Variants in RNF170 observed in about 807,000 individuals in gnomAD.
The protein encoded by RNF170 is E3 ubiquitin-protein ligase RNF170.
Under a neutral mutation model 32.7 loss-of-function variants are expected in RNF170, and 12 were observed. The ratio of observed to expected loss-of-function variants is 0.37; its 90% CI spans 0.24 to 0.60. RNF170 has a LOEUF of 0.60. RNF170 is among the 20% of genes least tolerant of loss of function. The pLI is 0.72. For synonymous variants in RNF170, 91 were observed against 103.6 expected, an observed-to-expected ratio of 0.88 and a Z score of 0.74; for missense variants, 212 against 311.2, an observed-to-expected ratio of 0.68 and a Z score of 2.40.
intron 2 of RNF170, among the ~76,000 whole-genome samples, chr8:42,876,172 A>G (rs1018794915): frequency 2.0e-5 from 3 of 151,522 alleles, no homozygotes; most frequent in Non-Finnish European, 4.4e-5. Flanking sequence ...TTCTTTCTAT[A>G]AGAAAGAAGA....
intron 1 of RNF170, chr8:42,896,255 T>C (rs1297150283): frequency 5.8e-6 from 2 of 342,994 alleles, no homozygotes; most frequent in South Asian, 4.3e-5. Context: ...CAAACCCACC[T>C]AGAGCCGCTC....
At chr8:42,880,438 A>G (rs1431396279) in intron 2 of RNF170, among the ~76,000 whole-genome samples, 2 of 152,220 alleles carry the variant, frequency 1.3e-5, no homozygotes, top group African/African-American at 2.4e-5. Flanking sequence ...TGTGAAAGGA[A>G]AAGTCAGTCA....
chr8:42,851,297 C>T (rs1249366921), downstream of RNF170, among the ~76,000 whole-genome samples: 1 of 152,074 alleles, frequency 6.6e-6, no homozygotes, highest in African/African-American at 2.4e-5. Flanking sequence ...TGCAGTGGCT[C>T]ACACCTGTAA....
chr8:42,895,206 T>C (rs1806682697), intron 1 of RNF170, among the ~76,000 whole-genome samples: 1 of 151,998 alleles, frequency 6.6e-6, no homozygotes. Flanking sequence ...TTCCAGCTAC[T>C]TGGGAGGCTG....
chr8:42,868,139 A>T (rs1419465865), intron 4 of RNF170, among the ~76,000 whole-genome samples: 1 of 152,242 alleles, frequency 6.6e-6, no homozygotes, highest in Non-Finnish European at 1.5e-5. Flanking sequence ...TACTTAAGTG[A>T]AAACCTTAAA....
intron 5 of RNF170, among the ~76,000 whole-genome samples, chr8:42,864,043 T>C (rs1480638751): frequency 6.8e-6 from 1 of 147,798 alleles, no homozygotes; most frequent in Non-Finnish European, 1.5e-5. Flanking sequence ...AGTGGAGGAA[T>C]ACTTTTTTTT....
At chr8:42,882,177 G>A (rs956730235) in intron 2 of RNF170, among the ~76,000 whole-genome samples, 8 of 152,156 alleles carry the variant, frequency 5.3e-5, no homozygotes, top group African/African-American at 1.9e-4. Flanking sequence ...GCTGCTGTGG[G>A]AAACAGTCTG....
intron 2 of RNF170, among the ~76,000 whole-genome samples, chr8:42,887,326 T>C (rs916440755): frequency 6.6e-6 from 1 of 152,064 alleles, no homozygotes; most frequent in South Asian, 2.1e-4. Flanking sequence ...AGTAAAAAAA[T>C]TAATTCTAAT....
rs1289038757 is a variant in RNF170 at position 42,890,226 on chromosome 8, A to G, written c.-7-2355T>C. ...GTACAACATATATATAATATATATTATATATAAATATTTGACTACTATGTG... is the reference window on the plus strand; with the variant it reads ...GTACAACATATATATAATATATATTGTATATAAATATTTGACTACTATGTG... On this transcript the variant is annotated intron_variant, in intron 1 of 6. Coordinates refer to ENST00000527424, the MANE Select transcript of RNF170 (RefSeq NM_030954.4). Among the ~76,000 whole-genome samples, 3 of 149,608 alleles carry G rather than the reference A, an allele frequency of 2.0e-5. No individual in the cohort carries two copies. The East Asian group carries it at 5.8e-4, about 29-fold the overall frequency.
intron 1 of RNF170, chr8:42,889,275 A>G (rs1184361542): frequency 1.3e-5 from 2 of 152,130 alleles, no homozygotes; most frequent in African/African-American, 4.8e-5. Flanking sequence ...TCCTTCCTAC[A>G]CTCTAAACTA....
rs570262385 is a variant in RNF170 at position 42,870,595 on chromosome 8, T to C, written c.214-483A>G. Among the ~76,000 whole-genome samples, 28 of 152,060 alleles carry C rather than the reference T, an allele frequency of 1.8e-4. No homozygotes were observed. In the South Asian group the frequency reaches 4.2e-3, roughly 23 times the overall value. On this transcript the variant is annotated intron_variant, in intron 3 of 6. Coordinates refer to ENST00000527424, the MANE Select transcript of RNF170 (RefSeq NM_030954.4). ...TAGAAAAATTAGCCAGGAGTGGTGG[T>C]GGCATGCGCCTGTAGTCCCAGCTAC...
intron 1 of RNF170, among the ~76,000 whole-genome samples, chr8:42,888,210 C>T (rs914976945): frequency 1.6e-4 from 24 of 151,742 alleles, no homozygotes; most frequent in Non-Finnish European, 2.4e-4. Flanking sequence ...GGACTACAGG[C>T]GCGCACCACT....
At chr8:42,885,611 T>C (rs1238918301) in intron 2 of RNF170, among the ~76,000 whole-genome samples, 2 of 152,234 alleles carry the variant, frequency 1.3e-5, no homozygotes, top group African/African-American at 4.8e-5. Flanking sequence ...ACAGCCATCC[T>C]AAAAGATAAA....
At chr8:42,862,198 A>G (rs187991148) in intron 5 of RNF170, among the ~76,000 whole-genome samples, 4 of 152,330 alleles carry the variant, frequency 2.6e-5, no homozygotes, top group East Asian at 1.9e-4. Flanking sequence ...CATAAAATAT[A>G]TAACTGTCAC....
At chr8:42,890,214 A>G (rs1380790803) in intron 1 of RNF170, among the ~76,000 whole-genome samples, 1 of 149,586 alleles carries the variant, frequency 6.7e-6, no homozygotes, top group African/African-American at 2.4e-5. Flanking sequence ...CAACATATAT[A>G]TAATATATAT....
chr8:42,880,315 T>C (rs1004466921), intron 2 of RNF170, among the ~76,000 whole-genome samples: 1 of 152,118 alleles, frequency 6.6e-6, no homozygotes, highest in Admixed American at 6.6e-5. Context: ...ATAAACGAAG[T>C]TGATAGAGCA....
chr8:42,851,716 C>T (rs1212944303), downstream of RNF170, among the ~76,000 whole-genome samples: 2 of 149,698 alleles, frequency 1.3e-5, no homozygotes, highest in Non-Finnish European at 3.0e-5. Context: ...CAAGGCTCAC[C>T]ACAGCCTTCA....
intron 1 of RNF170, among the ~76,000 whole-genome samples, chr8:42,894,296 G>A (rs1043222351): frequency 7.2e-5 from 11 of 152,220 alleles, no homozygotes; most frequent in African/African-American, 2.7e-4. Flanking sequence ...GGGGCCACTG[G>A]AGGAAGGGTG....
intron 2 of RNF170, among the ~76,000 whole-genome samples, chr8:42,879,415 G>A (rs1038527127): frequency 6.6e-6 from 1 of 152,052 alleles, no homozygotes; most frequent in African/African-American, 2.4e-5. Flanking sequence ...CACTTTGGGA[G>A]GCTGAGATGG....
Sources: gnomAD v4.1 joint callset for allele counts (sites outside exome capture counted in the v4.1 genomes callset) on GRCh38, gnomAD v4.1.1 for gene constraint, MANE v1.5 for transcripts, NCBI Gene and HGNC (gene_info 2026-07-23, HGNC 2026-07-21) for gene names.